The following ADARB2 variants were observed in gnomAD, a reference collection of about 807,000 sequenced individuals.
ADARB2 encodes the protein adenosine deaminase RNA specific B2 (inactive), also known as inactive double-stranded RNA-specific editase B2.
ADARB2 carries 25 observed loss-of-function variants against 62.2 expected under a neutral mutation model. That is an observed-to-expected ratio of 0.40 (90% CI 0.29 to 0.56). The LOEUF is 0.56. Among genes scored for constraint, ADARB2 ranks in the 20% least tolerant of loss-of-function variants. The pLI, the probability that ADARB2 is intolerant of heterozygous loss-of-function variation, is 0.43. For synonymous variants in ADARB2, 572 were observed against 500.8 expected (o/e 1.14, Z -1.90); for missense variants, 1,071 against 1,077.4 (o/e 0.99, Z 0.08).
At chr10:1,231,887 C>T (rs1830807205) in intron 6 of ADARB2, among the ~76,000 whole-genome samples, 1 of 152,172 alleles carries the variant, frequency 6.6e-6, no homozygotes, top group South Asian at 2.1e-4. Context: ...TCAGGCTAAG[C>T]TCGTGTGAGA....
chr10:1,652,341 A>G (rs1242256401), intron 1 of ADARB2, among the ~76,000 whole-genome samples: 1 of 152,174 alleles, frequency 6.6e-6, no homozygotes, highest in Non-Finnish European at 1.5e-5. Flanking sequence ...AGGACTGCCA[A>G]GGCCCCTACT....
chr10:1,549,210 T>TGG lies in ADARB2; in HGVS notation c.101-170052_101-170051dup, dbSNP rs11392059. 2.8e-4 allele frequency among the ~76,000 whole-genome samples: 32 copies of TGG among 114,742 alleles called. 1 individual carries two copies. Among genetic ancestry groups the TGG allele is most frequent in the East Asian group, 5.5e-4 (2 of 3,638 alleles). The allele number at this position is 114,742 out of a possible 152,430, so 75.3% of individuals were successfully genotyped here. ...GGTGGAGTGGGGTGGGGCGTGGAGC[T>TGG]GGGGGGGTCCCCTCCTCTCATTGAA... On this transcript the variant is annotated intron_variant, in intron 1 of 9. Transcript: ENST00000381312.
At chr10:1,483,074 T>C (rs1375812277) in intron 1 of ADARB2, among the ~76,000 whole-genome samples, 1 of 152,208 alleles carries the variant, frequency 6.6e-6, no homozygotes, top group Non-Finnish European at 1.5e-5. Flanking sequence ...TCCTAGTAAC[T>C]GAGTTCAATG....
chr10:1,233,978 C>CTT (rs1589160330), intron 5 of ADARB2, 133 bp from the exon 6 acceptor site: 1 of 439,610 alleles, frequency 2.3e-6, no homozygotes, highest in Non-Finnish European at 3.1e-6. Context: ...TTTTTTTTTC[C>CTT]TTTTTTTTTT....
intron 1 of ADARB2, among the ~76,000 whole-genome samples, chr10:1,571,133 G>A (rs1196833540): frequency 6.6e-6 from 1 of 152,128 alleles, no homozygotes; most frequent in Non-Finnish European, 1.5e-5. Context: ...GAATTAAGGT[G>A]GAGTTAAAAG....
chr10:1,694,558 T>C (rs575214460), intron 1 of ADARB2, among the ~76,000 whole-genome samples: 47 of 152,154 alleles, frequency 3.1e-4, no homozygotes, highest in Non-Finnish European at 6.6e-4. Flanking sequence ...GTGTGGGAAA[T>C]AAATGCAATG....
chr10:1,209,727 A>C (rs1264997423), intron 7 of ADARB2, among the ~76,000 whole-genome samples: 2 of 151,496 alleles, frequency 1.3e-5, no homozygotes, highest in East Asian at 3.9e-4. Context: ...GCCCACACCC[A>C]CACACCCACA....
intron 7 of ADARB2, among the ~76,000 whole-genome samples, chr10:1,204,630 C>T (rs958714347): frequency 3.3e-5 from 5 of 152,246 alleles, no homozygotes; most frequent in Non-Finnish European, 7.3e-5. Flanking sequence ...CGGCCTCACC[C>T]GTCACATTGT....
At chr10:1,531,001 G>A (rs929771673) in intron 1 of ADARB2, among the ~76,000 whole-genome samples, 2 of 152,144 alleles carry the variant, frequency 1.3e-5, no homozygotes, top group African/African-American at 2.4e-5. Context: ...TTGCTTCTTC[G>A]GCAAGGTCGG....
chr10:1,383,076 CT>C (rs1281181094), intron 1 of ADARB2, among the ~76,000 whole-genome samples: 1 of 152,142 alleles, frequency 6.6e-6, no homozygotes, highest in African/African-American at 2.4e-5. Flanking sequence ...CTTTATAAAC[CT>C]TGTTACTCAC....
At chr10:1,481,143 G>A (rs1305558488) in intron 1 of ADARB2, among the ~76,000 whole-genome samples, 3 of 152,174 alleles carry the variant, frequency 2.0e-5, no homozygotes, top group South Asian at 4.1e-4. Context: ...AGAACAGAGG[G>A]CTCAGAAATA....
At chr10:1,440,257 G>T (rs540910243) in intron 1 of ADARB2, among the ~76,000 whole-genome samples, 50 of 152,318 alleles carry the variant, frequency 3.3e-4, no homozygotes, top group African/African-American at 1.0e-3. Context: ...AAGCTGAGCA[G>T]CACCTGGGCT....
At chr10:1,513,902 T>C (rs895523540) in intron 1 of ADARB2, among the ~76,000 whole-genome samples, 14 of 152,048 alleles carry the variant, frequency 9.2e-5, no homozygotes, top group African/African-American at 3.4e-4. Flanking sequence ...TTAAATTTGT[T>C]CTAAATGAAG....
chr10:1,218,673 C>T (rs1003973063), intron 6 of ADARB2, among the ~76,000 whole-genome samples: 6 of 152,146 alleles, frequency 3.9e-5, no homozygotes, highest in African/African-American at 1.2e-4. Context: ...GCGGATTTCT[C>T]ATGCCCAGTT....
chr10:1,505,142 A>G (rs1831824759), intron 1 of ADARB2, among the ~76,000 whole-genome samples: 1 of 151,814 alleles, frequency 6.6e-6, no homozygotes, highest in Non-Finnish European at 1.5e-5. Flanking sequence ...ACACATACAG[A>G]CACACTGATA....
chr10:1,695,933 T>C (rs1469898049), intron 1 of ADARB2, among the ~76,000 whole-genome samples: 3 of 152,090 alleles, frequency 2.0e-5, no homozygotes, highest in East Asian at 3.9e-4. Flanking sequence ...AAAGTGTGCA[T>C]ATGTGTATGC....
chr10:1,184,979 A>G lies in ADARB2; in HGVS notation c.1925T>C (p.Val642Ala). Reference protein sequence around the residue: ...GKSPPFSMNWVVGSADLEIIN... With the variant: ...GKSPPFSMNWAVGSADLEIIN... Reference sequence around the variant, plus strand: ...AATCTCCAGGTCCGCGCTGCCCACGACCCAGTTCATGCTGAAGGGGGGCGA... The same window carrying G: ...AATCTCCAGGTCCGCGCTGCCCACGGCCCAGTTCATGCTGAAGGGGGGCGA... Residue 642 changes from valine to alanine, a missense_variant, in exon 9 of 10, where the codon GTC becomes GCC. Physicochemically the swap from Val to Ala is moderately conservative, Grantham distance 64. Transcript: ENST00000381312. 1 of 1,613,642 alleles carries G rather than the reference A, an allele frequency of 6.2e-7. No individual in the cohort carries two copies. Among genetic ancestry groups the G allele is most frequent in the Non-Finnish European group, 8.5e-7 (1 of 1,179,976 alleles).
intron 3 of ADARB2, among the ~76,000 whole-genome samples, chr10:1,297,729 G>A (rs55766467): frequency 5.9e-5 from 9 of 151,934 alleles, no homozygotes; most frequent in East Asian, 1.9e-4. Flanking sequence ...TCCTGCCACC[G>A]GGGGGCACAC....
intron 1 of ADARB2, among the ~76,000 whole-genome samples, chr10:1,679,450 T>C (rs1447495001): frequency 6.6e-6 from 1 of 152,168 alleles, no homozygotes; most frequent in Non-Finnish European, 1.5e-5. Flanking sequence ...GAATTAGTAA[T>C]GAGAGATTTA....
Sources: gnomAD v4.1 joint callset for allele counts (sites outside exome capture counted in the v4.1 genomes callset) on GRCh38, gnomAD v4.1.1 for gene constraint, MANE v1.5 for transcripts, NCBI Gene and HGNC (gene_info 2026-07-23, HGNC 2026-07-21) for gene names.